The following TAOK1 variants were observed in gnomAD, a reference collection of about 807,000 sequenced individuals.
The protein encoded by TAOK1 is serine/threonine-protein kinase TAO1.
In TAOK1, 21 loss-of-function variants were observed where a neutral mutation model predicts 138.3. That is an observed-to-expected ratio of 0.15 (90% confidence interval 0.11 to 0.22). TAOK1 has a LOEUF of 0.22. Ranked by LOEUF, TAOK1 falls within the 10% of genes least tolerant of loss-of-function variation. The pLI, the probability that TAOK1 is intolerant of heterozygous loss-of-function variation, is 1.00. For synonymous variants in TAOK1, 361 were observed against 398.4 expected (o/e 0.91, Z 1.12); for missense variants, 651 against 1,227.7 (o/e 0.53, Z 7.02).
In TAOK1 at chr17:29,468,338, T is replaced by C. The variant is rs181644086; in HGVS notation, c.204+1122T>C. On this transcript the variant is annotated intron_variant, in intron 3 of 19. Transcript: ENST00000261716. ...TTTTAGTAGAGACAGGGTTTCACCA[T>C]GTTGGCCAGACTGTTCTCGAACTCC... is the stretch of plus-strand genomic sequence containing the variant. Among the ~76,000 whole-genome samples the C allele has an allele frequency of 3.8e-3, 580 of 151,556 alleles. 2 individuals are homozygous for C. The highest frequency in any genetic ancestry group is 5.9e-3 in the Non-Finnish European group (401 of 67,898).
At chr17:29,484,769 T>C (rs1370009268) in intron 8 of TAOK1, among the ~76,000 whole-genome samples, 1 of 152,068 alleles carries the variant, frequency 6.6e-6, no homozygotes, top group Non-Finnish European at 1.5e-5. Context: ...CACGCCCAGC[T>C]AATTTTTTTA....
At chr17:29,515,439 G>A (rs918359804) in intron 15 of TAOK1, among the ~76,000 whole-genome samples, 9 of 152,122 alleles carry the variant, frequency 5.9e-5, no homozygotes, top group African/African-American at 1.4e-4. Flanking sequence ...TGTGTACTTC[G>A]AAGTTAGGAA....
At position 29,498,299 on chromosome 17, in the gene TAOK1, G is replaced by C. The variant is rs2153028255; in HGVS notation, c.1000-19G>C. 1.9e-6 allele frequency: 3 copies of C among 1,613,494 alleles called. No homozygotes were observed. The South Asian group carries it at 3.3e-5, about 18-fold the overall frequency. On this transcript the variant is annotated intron_variant, in intron 11 of 19. Coordinates refer to ENST00000261716, the MANE Select transcript of TAOK1 (RefSeq NM_020791.4). The stretch of plus-strand genomic sequence containing the variant: ...TATATATTAATATTTGAACTGAACT[G>C]AATGTCCTTTTCTCTTAGGAACAAG...
chr17:29,484,063 T>C (rs2031118870), intron 8 of TAOK1, among the ~76,000 whole-genome samples: 1 of 152,232 alleles, frequency 6.6e-6, no homozygotes, highest in Non-Finnish European at 1.5e-5. Flanking sequence ...AGAAGGTATT[T>C]GTTGGCTCAT....
At chr17:29,518,130 A>T (rs1382330050) in intron 16 of TAOK1, among the ~76,000 whole-genome samples, 1 of 152,184 alleles carries the variant, frequency 6.6e-6, no homozygotes, top group Non-Finnish European at 1.5e-5. Context: ...TGCTAGGATT[A>T]CAAGCATGAG....
chr17:29,405,566 G>T (rs1178706287), intron 1 of TAOK1, among the ~76,000 whole-genome samples: 1 of 151,766 alleles, frequency 6.6e-6, no homozygotes, highest in Non-Finnish European at 1.5e-5. Context: ...ATCACCTGAG[G>T]TCAGGAGTTT....
intron 2 of TAOK1, among the ~76,000 whole-genome samples, chr17:29,459,616 A>G (rs931180403): frequency 6.6e-6 from 1 of 152,100 alleles, no homozygotes; most frequent in Non-Finnish European, 1.5e-5. Context: ...TCATTGTATA[A>G]ATGTACCACA....
chr17:29,461,983 A>G lies in TAOK1; in HGVS notation c.133-5162A>G, dbSNP rs142112399. ...CTGCAATTCTATTTCTGGGTCACTA[A>G]TCTTCATATTTTGTGGTATCAGAGA... On this transcript the variant is annotated intron_variant, in intron 2 of 19. Coordinates refer to ENST00000261716, the MANE Select transcript of TAOK1 (RefSeq NM_020791.4). 6.1e-3 allele frequency among the ~76,000 whole-genome samples: 931 copies of G among 152,238 alleles called. 38 individuals carry two copies. Among genetic ancestry groups the G allele is most frequent in the Admixed American group, 0.054 (819 of 15,272 alleles).
Position 29,482,207 on chromosome 17 carries a change from G to T in TAOK1, c.574G>T (p.Glu192Ter). 6.2e-7 allele frequency: 1 copy of T among 1,611,168 alleles called. No homozygotes were observed. Residue 192 changes from glutamate to a stop codon, truncating the protein, a stop_gained, in exon 8 of 20, where the codon GAA (glutamate) becomes TAA (stop). Transcript: ENST00000261716. LOFTEE classifies it high-confidence loss of function. ...AACGTTTTGTTCTAGGATGGCCCCA[G>T]AAGTAATTTTAGCCATGGATGAAGG... ...FVGTPYWMAP[E>*]VILAMDEGQY...
At chr17:29,456,113 C>G (rs2030370776) in intron 2 of TAOK1, among the ~76,000 whole-genome samples, 1 of 150,232 alleles carries the variant, frequency 6.7e-6, no homozygotes, top group African/African-American at 2.5e-5. Context: ...TTTGGGAGGC[C>G]AAGGCAGGCA....
intron 18 of TAOK1, among the ~76,000 whole-genome samples, chr17:29,533,565 GA>G (rs1189955868): frequency 6.6e-6 from 1 of 151,932 alleles, no homozygotes; most frequent in East Asian, 1.9e-4. Flanking sequence ...AGCACTGAGT[GA>G]ACGAGACTCC....
chr17:29,527,257 C>G (rs1291429322), intron 17 of TAOK1, among the ~76,000 whole-genome samples: 3 of 151,942 alleles, frequency 2.0e-5, no homozygotes, highest in Non-Finnish European at 4.4e-5. Context: ...TGCCACTGCA[C>G]TCCAGCCTGG....
chr17:29,543,212 C>T lies in TAOK1; in HGVS notation c.*190C>T, dbSNP rs923365041. 3.3e-4 allele frequency: 170 copies of T among 513,612 alleles called. No homozygotes were observed. Among genetic ancestry groups the T allele is most frequent in the African/African-American group, 5.7e-5 (3 of 52,350 alleles). 31.8% of individuals were successfully genotyped at this position (513,612 alleles called of 1,614,324 possible). A position where few individuals can be genotyped will look rare whatever the true frequency, so the allele number is the denominator to read the frequency against. The stretch of plus-strand genomic sequence containing the variant: ...TTGGGATGTCATAGTACTTGGCTGC[C>T]GGGTTTGTTTGTTTTTGGGGAAATT... On this transcript the variant is annotated 3_prime_UTR_variant, in exon 20 of 20. Transcript: ENST00000261716.
intron 17 of TAOK1, among the ~76,000 whole-genome samples, chr17:29,528,858 A>G (rs1246843165): frequency 6.6e-6 from 1 of 150,760 alleles, no homozygotes. Flanking sequence ...AAAAAAAAAA[A>G]AAAAAAGAAA....
chr17:29,472,727 A>G (rs2030852309), intron 3 of TAOK1, among the ~76,000 whole-genome samples: 1 of 151,102 alleles, frequency 6.6e-6, no homozygotes, highest in African/African-American at 2.4e-5. Context: ...GTCATGCACC[A>G]CCACGCCCGG....
intron 1 of TAOK1, among the ~76,000 whole-genome samples, chr17:29,419,997 A>C (rs1185100756): frequency 1.3e-5 from 2 of 151,716 alleles, no homozygotes; most frequent in African/African-American, 2.4e-5. Flanking sequence ...CTCCCACCTC[A>C]GTCTCCCAAG....
chr17:29,526,659 C>T (rs116006707), intron 17 of TAOK1, among the ~76,000 whole-genome samples: 5,605 of 151,924 alleles, frequency 0.037, 365 homozygotes, highest in African/African-American at 0.13. Context: ...AGTGATCCAC[C>T]CACCTCAGCC....
In TAOK1 at chr17:29,477,462, A is replaced by T. The variant is rs535551505; in HGVS notation, c.307-199A>T. On this transcript the variant is annotated intron_variant, in intron 4 of 19. Transcript: ENST00000261716. ...ATGCATTTAACAAATCACTGAATAC[A>T]TAACTATTTTTTATTAAAAAATTTT... 1.1e-4 allele frequency among the ~76,000 whole-genome samples: 17 copies of T among 151,938 alleles called. No homozygotes were observed. In the East Asian group the frequency reaches 3.3e-3, roughly 29 times the overall value.
chr17:29,408,318 G>A (rs1368250408), intron 1 of TAOK1, among the ~76,000 whole-genome samples: 4 of 148,542 alleles, frequency 2.7e-5, no homozygotes, highest in East Asian at 4.0e-4. Flanking sequence ...GTCTGCCTCC[G>A]GGGCTCAAGC....
Sources: gnomAD v4.1 joint callset for allele counts (sites outside exome capture counted in the v4.1 genomes callset) on GRCh38, gnomAD v4.1.1 for gene constraint, MANE v1.5 for transcripts, NCBI Gene and HGNC (gene_info 2026-07-23, HGNC 2026-07-21) for gene names.